Variants in PRKCG observed in about 807,000 individuals in gnomAD.
PRKCG encodes the protein protein kinase C gamma type.
PRKCG carries 28 observed loss-of-function variants against 82.0 expected under a neutral mutation model. That is an observed-to-expected ratio of 0.34 (90% CI 0.25 to 0.47). The LOEUF (loss-of-function observed/expected upper bound fraction) is 0.47. Ranked by LOEUF, PRKCG falls within the 20% of genes least tolerant of loss-of-function variation. The probability of loss-of-function intolerance (pLI) is 1.00; values close to 1 mark genes in which losing one functional copy is unlikely to be tolerated. For synonymous variants in PRKCG, 383 were observed against 376.6 expected, an observed-to-expected ratio of 1.02 and a Z score of -0.20; for missense variants, 640 against 952.7, an observed-to-expected ratio of 0.67 and a Z score of 4.32.
chr19:53,891,665 C>T lies in PRKCG; in HGVS notation c.530-9C>T, dbSNP rs781040764. On this transcript the variant is annotated splice_polypyrimidine_tract_variant and intron_variant, in intron 5 of 17. Transcript: ENST00000263431. The stretch of plus-strand genomic sequence containing the variant: ...TAACCCGTCACACTCTTCCTCACTC[C>T]CCGTTTAGTTGGCGAGGCCCGTAAC... 6.2e-7 allele frequency: 1 copy of T among 1,613,702 alleles called. No homozygotes were observed. The highest frequency in any genetic ancestry group is 1.1e-5 in the South Asian group (1 of 91,072).
chr19:53,891,561 C>G, intron 5 of PRKCG, 113 bp from the exon 6 acceptor site: 1 of 1,353,946 alleles, frequency 7.4e-7, no homozygotes, highest in Non-Finnish European at 1.1e-6. Flanking sequence ...GGATTACAGG[C>G]ATGAGCCGCC....
At position 53,889,414 on chromosome 19, in the gene PRKCG, T is replaced by A. The variant is rs1464441415; in HGVS notation, c.286-224T>A. Among the ~76,000 whole-genome samples, 3 of 150,024 alleles carry A rather than the reference T, an allele frequency of 2.0e-5. No homozygotes were observed. The highest frequency in any genetic ancestry group is 7.6e-5 in the African/African-American group (3 of 39,418). ...CCTCCATTAGGAAGTAAACTCCATG[T>A]GACAAAGAGGTTTTTTTTTTTCATT... On this transcript the variant is annotated intron_variant, in intron 3 of 17. Coordinates refer to ENST00000263431, the MANE Select transcript of PRKCG (RefSeq NM_002739.5). The surrounding 1 kb of genome is among the most constrained non-coding windows in gnomAD (Gnocchi z 4.4).
chr19:53,895,487 C>CAAAAAAAAAA (rs760577483), intron 9 of PRKCG, among the ~76,000 whole-genome samples: 1 of 62,864 alleles, frequency 1.6e-5, no homozygotes, highest in African/African-American at 4.6e-5. Context: ...GACTCTGTCT[C>CAAAAAAAAAA]AAAAAAAAAA....
rs1387584326 is a variant in PRKCG at position 53,884,805 on chromosome 19, A to C, written c.285+562A>C. Among the ~76,000 whole-genome samples the C allele has an allele frequency of 3.9e-5, 6 of 152,234 alleles. No homozygotes were observed. The highest frequency in any genetic ancestry group is 8.8e-5 in the Non-Finnish European group (6 of 68,044). The stretch of plus-strand genomic sequence containing the variant: ...AAGAGACTAAAATAGAAAATGGTGG[A>C]TACAGACAACAGCTTAGGAGATGCT... On this transcript the variant is annotated intron_variant, in intron 3 of 17. Transcript: ENST00000263431. This position sits in a 1 kb window ranked among gnomAD's most constrained non-coding sequence, Gnocchi z 4.6.
In PRKCG at chr19:53,884,329, T is replaced by A. The variant is rs536658189; in HGVS notation, c.285+86T>A. 2 of 1,287,646 alleles carry A rather than the reference T, an allele frequency of 1.6e-6. No homozygotes were observed. Among genetic ancestry groups the A allele is most frequent in the Admixed American group, 3.4e-5 (2 of 59,056 alleles). 79.8% of individuals were successfully genotyped at this position (1,287,646 alleles called of 1,614,324 possible). On this transcript the variant is annotated intron_variant, in intron 3 of 17. Coordinates refer to ENST00000263431, the MANE Select transcript of PRKCG (RefSeq NM_002739.5). This position sits in a 1 kb window ranked among gnomAD's most constrained non-coding sequence, Gnocchi z 4.6. Reference sequence around the variant, plus strand: ...CGTCCGTCCCAATTTCTCCTGCTATTTTTATGGCTGGGAGGGGAGGGGGGC... The same window carrying A: ...CGTCCGTCCCAATTTCTCCTGCTATATTTATGGCTGGGAGGGGAGGGGGGC...
intron 5 of PRKCG, 90 bp downstream of exon 5, chr19:53,890,107 C>G: frequency 2.2e-6 from 3 of 1,375,856 alleles, no homozygotes; most frequent in Admixed American, 4.0e-5. Flanking sequence ...CAGCCCTACC[C>G]CAAAGATGGG....
chr19:53,889,919 G>A lies in PRKCG; in HGVS notation c.431G>A (p.Arg144His). Reference protein sequence around the residue: ...CEMNVHRRCVRSVPSLCGVDH... With the variant: ...CEMNVHRRCVHSVPSLCGVDH... Reference sequence around the variant, plus strand: ...ATGAACGTGCACCGGCGCTGTGTGCGTAGCGTGCCCTCCCTGTGCGGTGTG... The same window carrying A: ...ATGAACGTGCACCGGCGCTGTGTGCATAGCGTGCCCTCCCTGTGCGGTGTG... The change falls in exon 5 of 18, where the codon CGT (arginine) becomes CAT (histidine). Residue 144 changes from arginine to histidine, a missense_variant. Physicochemically the swap from Arg to His is conservative, Grantham distance 29 (BLOSUM62 0). This residue lies in a region of PRKCG where 261 missense variants were observed against 312.1 expected (regional missense o/e 0.84). Transcript: ENST00000263431. This position sits in a 1 kb window ranked among gnomAD's most constrained non-coding sequence, Gnocchi z 4.4. The A allele has an allele frequency of 6.3e-7, 1 of 1,584,044 alleles. No homozygotes were observed. Among genetic ancestry groups the A allele is most frequent in the Non-Finnish European group, 8.6e-7 (1 of 1,165,984 alleles).
intron 16 of PRKCG, among the ~76,000 whole-genome samples, chr19:53,905,332 T>C (rs2068793696): frequency 6.6e-6 from 1 of 151,842 alleles, no homozygotes; most frequent in Non-Finnish European, 1.5e-5. Context: ...TTTGGGCCTT[T>C]GTCCAACCCC....
At chr19:53,902,613 G>A (rs1599953183) in intron 14 of PRKCG, among the ~76,000 whole-genome samples, 1 of 151,946 alleles carries the variant, frequency 6.6e-6, no homozygotes, top group African/African-American at 2.4e-5. Flanking sequence ...TCAGAGTGGA[G>A]GCTGGGCGTG....
intron 3 of PRKCG, among the ~76,000 whole-genome samples, chr19:53,885,482 G>A (rs903118150): frequency 4.6e-5 from 7 of 152,146 alleles, no homozygotes; most frequent in Admixed American, 2.0e-4. Flanking sequence ...CACCCGCCTC[G>A]GCCTCCCAAA....
chr19:53,899,527 A>G (rs2068746952), intron 11 of PRKCG, among the ~76,000 whole-genome samples: 1 of 151,994 alleles, frequency 6.6e-6, no homozygotes, highest in South Asian at 2.1e-4. Flanking sequence ...CTTTACTTCC[A>G]GGGGCTCCGA....
At chr19:53,901,080 G>A (rs927152844) in intron 14 of PRKCG, among the ~76,000 whole-genome samples, 16 of 152,226 alleles carry the variant, frequency 1.1e-4, no homozygotes, top group Non-Finnish European at 2.1e-4. Context: ...TGTACTCTGA[G>A]TGGGTGTGGC....
Position 53,904,636 on chromosome 19 carries a change from C to T in PRKCG, c.1658C>T (p.Pro553Leu). 1 of 1,612,586 alleles carries T rather than the reference C, an allele frequency of 6.2e-7. No homozygotes were observed. The highest frequency in any genetic ancestry group is 8.5e-7 in the Non-Finnish European group (1 of 1,179,514). ...TCTCTATCCCCTCCACTTTGATAGC[C>T]TCCCTTCGATGGGGAGGACGAGGAG... ...VLLYEMLAGQ[P>L]PFDGEDEEEL... The change falls in exon 16 of 18, where the codon CCT becomes CTT. Residue 553 changes from proline (P) to leucine (L), a missense_variant and splice_region_variant. By Grantham distance (98) the Pro-to-Leu change is moderately conservative. Transcript: ENST00000263431.
At position 53,890,783 on chromosome 19, in the gene PRKCG, G is replaced by C. The variant is rs1205556399; in HGVS notation, c.529+766G>C. On this transcript the variant is annotated intron_variant, in intron 5 of 17. Transcript: ENST00000263431. ...TTTTTTTTTTTTGAGACAAGATCTCGCTCTGTTGCCCAGGCTGGAGTGCAG... is the reference window on the plus strand; with the variant it reads ...TTTTTTTTTTTTGAGACAAGATCTCCCTCTGTTGCCCAGGCTGGAGTGCAG... Among the ~76,000 whole-genome samples the C allele has an allele frequency of 8.6e-5, 12 of 138,850 alleles. No individual in the cohort carries two copies. In the Admixed American group the frequency reaches 9.3e-4, roughly 11 times the overall value. 91.1% of individuals were successfully genotyped at this position (138,850 alleles called of 152,430 possible). A position where few individuals can be genotyped will look rare whatever the true frequency, so the allele number is the denominator to read the frequency against.
In PRKCG at chr19:53,905,831, T is replaced by C. The variant is rs2068798826; in HGVS notation, c.1765-486T>C. On this transcript the variant is annotated intron_variant, in intron 16 of 17. Transcript: ENST00000263431. Reference sequence around the variant, plus strand: ...TCCTCTTCTCCATCTCCCTCATGATTTGTTCTGTTTCTCTGTGTGTCCCTG... The same window carrying C: ...TCCTCTTCTCCATCTCCCTCATGATCTGTTCTGTTTCTCTGTGTGTCCCTG... Among the ~76,000 whole-genome samples the C allele has an allele frequency of 2.1e-5, 3 of 144,252 alleles. No individual in the cohort carries two copies. The Admixed American group carries it at 2.1e-4, about 10-fold the overall frequency. 94.6% of individuals were successfully genotyped at this position (144,252 alleles called of 152,430 possible). A position where few individuals can be genotyped will look rare whatever the true frequency, so the allele number is the denominator to read the frequency against.
chr19:53,890,190 C>T (rs2068663302), intron 5 of PRKCG, among the ~76,000 whole-genome samples, 173 bp downstream of exon 5: 1 of 152,186 alleles, frequency 6.6e-6, no homozygotes, highest in African/African-American at 2.4e-5. Context: ...CAGCCATACC[C>T]CTTTTGGCTC....
rs2068686521 is a variant in PRKCG, at chr19:53,892,732, C to T, written c.821+89C>T. On this transcript the variant is annotated intron_variant, in intron 7 of 17. Transcript: ENST00000263431. This position sits in a 1 kb window ranked among gnomAD's most constrained non-coding sequence, Gnocchi z 5.9. ...CTCTCTCCTCCAGGCCACTGTCCTT[C>T]CCTCTGCCTCCCAGCATGCGCACAC... The T allele has an allele frequency of 2.7e-6, 4 of 1,498,972 alleles. No individual in the cohort carries two copies. The highest frequency in any genetic ancestry group is 3.6e-6 in the Non-Finnish European group (4 of 1,116,990). 92.9% of individuals were successfully genotyped at this position (1,498,972 alleles called of 1,614,324 possible).
intron 3 of PRKCG, among the ~76,000 whole-genome samples, chr19:53,886,235 G>C (rs1330737758): frequency 6.6e-6 from 1 of 151,578 alleles, no homozygotes; most frequent in Non-Finnish European, 1.5e-5. Context: ...CTCCCGAGTA[G>C]CTGGGACTAG....
Position 53,882,684 on chromosome 19 carries a change from G to A in PRKCG, c.170+20G>A. On this transcript the variant is annotated intron_variant, in intron 1 of 17. Coordinates refer to ENST00000263431, the MANE Select transcript of PRKCG (RefSeq NM_002739.5). The surrounding 1 kb of genome is among the most constrained non-coding windows in gnomAD (Gnocchi z 6.1). ...CATCTGGTGAGGGAAGGGGGCTGGG[G>A]GACTGGGGGACGAGGGGACTAGGGG... The A allele has an allele frequency of 6.2e-7, 1 of 1,610,342 alleles. No homozygotes were observed. Among genetic ancestry groups the A allele is most frequent in the Non-Finnish European group, 8.5e-7 (1 of 1,179,146 alleles).
Sources: allele counts gnomAD v4.1 joint callset (sites outside exome capture counted in the v4.1 genomes callset), GRCh38; gene constraint gnomAD v4.1.1; regional missense constraint gnomAD v4.1.1; non-coding constraint Gnocchi (gnomAD v3.1); transcripts MANE v1.5; gene names NCBI Gene and HGNC (gene_info 2026-07-23, HGNC 2026-07-21).